The following CYB5R4 variants were observed in gnomAD, a reference collection of about 807,000 sequenced individuals.
The protein encoded by CYB5R4 is cytochrome b5 reductase 4.
In CYB5R4, 55 loss-of-function variants were observed where a neutral mutation model predicts 70.2. The ratio of observed to expected loss-of-function variants is 0.78; its 90% CI spans 0.63 to 0.98. CYB5R4 has a LOEUF of 0.98. CYB5R4 is among the 50% of genes least tolerant of loss of function. The probability of loss-of-function intolerance (pLI) is 0.00; values close to 1 mark genes in which losing one functional copy is unlikely to be tolerated. For missense variants in CYB5R4, 562 were observed against 612.6 expected (o/e 0.92, Z 0.87); for synonymous variants, 197 against 199.5 (o/e 0.99, Z 0.11).
At chr6:83,873,976 G>A (rs766100987) in intron 2 of CYB5R4, among the ~76,000 whole-genome samples, 9 of 152,108 alleles carry the variant, frequency 5.9e-5, no homozygotes, top group Non-Finnish European at 1.2e-4. Context: ...ATTTCTTTGT[G>A]ATAAAAGAAA....
intron 3 of CYB5R4, among the ~76,000 whole-genome samples, chr6:83,908,255 G>A (rs1317967771): frequency 6.6e-6 from 1 of 151,980 alleles, no homozygotes; most frequent in Non-Finnish European, 1.5e-5. Context: ...TTCACTGCCG[G>A]ATGACTGCAT....
intron 2 of CYB5R4, among the ~76,000 whole-genome samples, chr6:83,868,943 T>C (rs571050198): frequency 6.6e-6 from 1 of 152,186 alleles, no homozygotes; most frequent in Non-Finnish European, 1.5e-5. Flanking sequence ...TTTGAATAAA[T>C]GGTATTTCAA....
At chr6:83,885,895 CAA>C (rs140784480) in intron 2 of CYB5R4, among the ~76,000 whole-genome samples, 2,729 of 152,162 alleles carry the variant, frequency 0.018, 31 homozygotes, top group Non-Finnish European at 0.027. Context: ...TGTATATACT[CAA>C]GAGAAACGAA....
At chr6:83,937,882 T>C (rs565398085) in intron 12 of CYB5R4, among the ~76,000 whole-genome samples, 1 of 152,350 alleles carries the variant, frequency 6.6e-6, no homozygotes, top group African/African-American at 2.4e-5. Context: ...TTTAAAAACT[T>C]CTCTTGCTTC....
rs2099469537 is a variant in CYB5R4, at chr6:83,940,218, T to G, written c.1259+12T>G. ...ATACCCAGTCTCAGGTATGTAATTT[T>G]GTCTCTAATTACGATCCTTTTTGAG... On this transcript the variant is annotated intron_variant, in intron 13 of 15. Coordinates refer to ENST00000369681, the MANE Select transcript of CYB5R4 (RefSeq NM_016230.4). The G allele has an allele frequency of 6.3e-7, 1 of 1,592,116 alleles. No individual in the cohort carries two copies. The highest frequency in any genetic ancestry group is 1.8e-5 in the Admixed American group (1 of 55,624).
In CYB5R4 at chr6:83,961,456, G is replaced by A. The variant is rs2099473327; in HGVS notation, c.*1578G>A. 6.6e-6 allele frequency: 1 copy of A among 151,964 alleles called. No homozygotes were observed. Among genetic ancestry groups the A allele is most frequent in the South Asian group, 2.1e-4 (1 of 4,772 alleles). 9.4% of individuals were successfully genotyped at this position (151,964 alleles called of 1,614,324 possible). On this transcript the variant is annotated 3_prime_UTR_variant, in exon 16 of 16. Transcript: ENST00000369681. The stretch of plus-strand genomic sequence containing the variant: ...TCATGGGAGTGATTGCCCCCATGCT[G>A]TTCTCATGATGGTAAGTGAGTTCTC...
chr6:83,936,670 A>G (rs1416908493), intron 12 of CYB5R4, among the ~76,000 whole-genome samples: 2 of 152,118 alleles, frequency 1.3e-5, no homozygotes, highest in Non-Finnish European at 2.9e-5. Context: ...TCTACATCTC[A>G]GTGACTTTTT....
chr6:83,891,157 G>A (rs537777897), intron 2 of CYB5R4, among the ~76,000 whole-genome samples: 1 of 152,040 alleles, frequency 6.6e-6, no homozygotes, highest in African/African-American at 2.4e-5. Context: ...ATGTTGCCCA[G>A]ACTGGTCTTG....
At chr6:83,947,781 A>T (rs2099470861) in intron 14 of CYB5R4, among the ~76,000 whole-genome samples, 1 of 151,294 alleles carries the variant, frequency 6.6e-6, no homozygotes, top group South Asian at 2.1e-4. Context: ...GCCAACAAAC[A>T]TACTGGTCAT....
intron 5 of CYB5R4, among the ~76,000 whole-genome samples, chr6:83,914,835 T>C (rs1210237782): frequency 1.8e-5 from 1 of 55,468 alleles, no homozygotes. Context: ...GTGCCCGGCC[T>C]AGATTTTTTT....
Position 83,921,159 on chromosome 6 carries a change from A to T in CYB5R4, c.642A>T (p.Leu214Phe), listed in dbSNP as rs544612059. 10 of 1,513,736 alleles carry T rather than the reference A, an allele frequency of 6.6e-6. 1 individual carries two copies. In the South Asian group the frequency reaches 9.6e-5, roughly 15 times the overall value. 93.8% of individuals were successfully genotyped at this position (1,513,736 alleles called of 1,614,324 possible). The change falls in exon 8 of 16, where the codon TTA becomes TTT. Residue 214 changes from leucine to phenylalanine, a missense_variant. By Grantham distance (22) the Leu-to-Phe change is conservative. Coordinates refer to ENST00000369681, the MANE Select transcript of CYB5R4 (RefSeq NM_016230.4). ...FRAETIIKDC[L>F]YLIHIGLSHE... ...CAGAAACAATTATTAAGGATTGTTTATATCTTATACATATTGGTGAGTACT... is the reference window on the plus strand; with the variant it reads ...CAGAAACAATTATTAAGGATTGTTTTTATCTTATACATATTGGTGAGTACT...
Position 83,872,004 on chromosome 6 carries a change from T to C in CYB5R4, c.229+7676T>C, listed in dbSNP as rs2099457721. Among the ~76,000 whole-genome samples, 3 of 152,218 alleles carry C rather than the reference T, an allele frequency of 2.0e-5. No individual in the cohort carries two copies. In the South Asian group the frequency reaches 6.2e-4, roughly 31 times the overall value. ...TTTGTTGTTTCATTACTTGTTGTTT[T>C]CTATTTTGTTACTTTTATTAGTGAT... On this transcript the variant is annotated intron_variant, in intron 2 of 15. Transcript: ENST00000369681.
At chr6:83,914,226 G>A (rs2099465134) in intron 4 of CYB5R4, among the ~76,000 whole-genome samples, 190 bp from the exon 5 acceptor site, 1 of 152,142 alleles carries the variant, frequency 6.6e-6, no homozygotes, top group Non-Finnish European at 1.5e-5. Flanking sequence ...TGGTCTGGCA[G>A]TCTTCAGAGA....
At chr6:83,880,744 T>C (rs915312420) in intron 2 of CYB5R4, among the ~76,000 whole-genome samples, 3 of 152,238 alleles carry the variant, frequency 2.0e-5, no homozygotes, top group Admixed American at 6.5e-5. Flanking sequence ...AAGATGATCT[T>C]TGATAATTAT....
intron 3 of CYB5R4, among the ~76,000 whole-genome samples, chr6:83,898,376 A>G (rs1271217693): frequency 6.6e-6 from 1 of 152,076 alleles, no homozygotes; most frequent in East Asian, 1.9e-4. Context: ...GCCTTGTAGT[A>G]TAGTTTGAAG....
chr6:83,922,227 A>G (rs1347980858), intron 8 of CYB5R4, among the ~76,000 whole-genome samples: 1 of 152,188 alleles, frequency 6.6e-6, no homozygotes, highest in Non-Finnish European at 1.5e-5. Context: ...TCTTTAGTTA[A>G]AAGGGAGAAA....
At chr6:83,887,224 A>AT (rs2099460390) in intron 2 of CYB5R4, among the ~76,000 whole-genome samples, 2 of 152,154 alleles carry the variant, frequency 1.3e-5, no homozygotes, top group African/African-American at 4.8e-5. Context: ...GTTCAAGCAG[A>AT]TGCTGGATGA....
At chr6:83,910,764 G>A (rs1348247575) in intron 4 of CYB5R4, among the ~76,000 whole-genome samples, 2 of 152,184 alleles carry the variant, frequency 1.3e-5, no homozygotes, top group South Asian at 2.1e-4. Context: ...TTAAAAAAAT[G>A]ACAAGTGAAG....
At chr6:83,868,308 A>G (rs61761487) in intron 2 of CYB5R4, among the ~76,000 whole-genome samples, 4,240 of 152,228 alleles carry the variant, frequency 0.028, 197 homozygotes, top group African/African-American at 0.096. Context: ...AAAATATACA[A>G]TTTGGTATGG....
Sources: gnomAD v4.1 joint callset for allele counts (sites outside exome capture counted in the v4.1 genomes callset) on GRCh38, gnomAD v4.1.1 for gene constraint, MANE v1.5 for transcripts, NCBI Gene and HGNC (gene_info 2026-07-23, HGNC 2026-07-21) for gene names.